LPP: variants seen among roughly 807,000 people sequenced by gnomAD.
LPP encodes the protein lipoma-preferred partner.
A neutral mutation model predicts 60.4 loss-of-function variants in LPP; 38 were observed. The ratio of observed to expected loss-of-function variants is 0.63; its 90% CI spans 0.49 to 0.83. The LOEUF (loss-of-function observed/expected upper bound fraction) is 0.83, where lower values mean the gene tolerates loss of function less well. LPP is among the 40% of genes least tolerant of loss of function. The pLI, the probability that LPP is intolerant of heterozygous loss-of-function variation, is 0.00. For synonymous variants in LPP, 328 were observed against 290.8 expected, an observed-to-expected ratio of 1.13 and a Z score of -1.30; for missense variants, 902 against 783.6, an observed-to-expected ratio of 1.15 and a Z score of -1.80.
At chr3:188,488,529 T>C (rs1187130174) in intron 5 of LPP, among the ~76,000 whole-genome samples, 1 of 152,192 alleles carries the variant, frequency 6.6e-6, no homozygotes, top group Non-Finnish European at 1.5e-5. Flanking sequence ...TGAATGCTTC[T>C]TGTAAGTAGA....
intron 8 of LPP, among the ~76,000 whole-genome samples, chr3:188,729,951 C>T (rs192567430): frequency 6.6e-6 from 1 of 152,208 alleles, no homozygotes; most frequent in Non-Finnish European, 1.5e-5. Flanking sequence ...GACCATGCCA[C>T]TGCACTCCAG....
At chr3:188,528,078 C>T (rs1821140574) in intron 6 of LPP, among the ~76,000 whole-genome samples, 2 of 152,166 alleles carry the variant, frequency 1.3e-5, no homozygotes, top group Admixed American at 1.3e-4. Flanking sequence ...GAGAAAAGTT[C>T]AGACATATTC....
chr3:188,732,033 G>C (rs899167047), intron 8 of LPP, among the ~76,000 whole-genome samples: 2 of 152,162 alleles, frequency 1.3e-5, no homozygotes, highest in African/African-American at 4.8e-5. Context: ...AGGAAAAGCT[G>C]TTCACCCCGA....
chr3:188,763,648 A>G (rs912126038), intron 9 of LPP, among the ~76,000 whole-genome samples: 2 of 152,068 alleles, frequency 1.3e-5, no homozygotes, highest in African/African-American at 2.4e-5. Flanking sequence ...AAATGTTCAT[A>G]TAGTTTTGCA....
At chr3:188,366,397 G>A (rs1180348997) in intron 3 of LPP, among the ~76,000 whole-genome samples, 2 of 152,090 alleles carry the variant, frequency 1.3e-5, no homozygotes, top group African/African-American at 4.8e-5. Flanking sequence ...GGGGATTCTG[G>A]GGCTGGGCTC....
intron 1 of LPP, among the ~76,000 whole-genome samples, chr3:188,213,453 C>T (rs1413125958): frequency 6.6e-6 from 1 of 152,116 alleles, no homozygotes; most frequent in African/African-American, 2.4e-5. Context: ...TCAGTTCGTT[C>T]TCCTTCCCCT....
At chr3:188,599,607 C>G (rs973647714) in intron 6 of LPP, among the ~76,000 whole-genome samples, 3 of 152,148 alleles carry the variant, frequency 2.0e-5, no homozygotes, top group Non-Finnish European at 4.4e-5. Flanking sequence ...ACTGTTTTAA[C>G]TATTTCTGGC....
At chr3:188,200,471 C>A (rs1197501993) in intron 1 of LPP, among the ~76,000 whole-genome samples, 1 of 152,064 alleles carries the variant, frequency 6.6e-6, no homozygotes, top group Non-Finnish European at 1.5e-5. Context: ...GCTGGTTAGC[C>A]ACAATCCAGG....
chr3:188,761,654 G>A (rs1732399178), intron 9 of LPP, among the ~76,000 whole-genome samples: 7 of 152,162 alleles, frequency 4.6e-5, no homozygotes, highest in Admixed American at 4.6e-4. Flanking sequence ...ACGCTCCACA[G>A]TCTTAGATTC....
intron 6 of LPP, among the ~76,000 whole-genome samples, chr3:188,531,940 TGA>T (rs1174404969): frequency 6.6e-6 from 1 of 152,120 alleles, no homozygotes; most frequent in Non-Finnish European, 1.5e-5. Flanking sequence ...CCGCAGCTTG[TGA>T]TTGACATATG....
At chr3:188,393,332 A>T (rs1780146578) in intron 3 of LPP, among the ~76,000 whole-genome samples, 1 of 152,108 alleles carries the variant, frequency 6.6e-6, no homozygotes, top group African/African-American at 2.4e-5. Context: ...TCTTAAGAGC[A>T]CATGCTCCTA....
chr3:188,293,938 T>C (rs1746915960), intron 2 of LPP, among the ~76,000 whole-genome samples: 1 of 151,468 alleles, frequency 6.6e-6, no homozygotes, highest in African/African-American at 2.4e-5. Flanking sequence ...TAGTAGTGTG[T>C]GCCTGTAATC....
At chr3:188,156,522 G>A (rs1423546333) in intron 1 of LPP, among the ~76,000 whole-genome samples, 1 of 152,092 alleles carries the variant, frequency 6.6e-6, no homozygotes, top group Non-Finnish European at 1.5e-5. Context: ...TCCAATGAGA[G>A]AGGTAATAAT....
chr3:188,866,105 A>G (rs1329271562), intron 9 of LPP, 95 bp from the exon 10 acceptor site: 2 of 1,005,798 alleles, frequency 2.0e-6, no homozygotes, highest in Non-Finnish European at 2.7e-6. Flanking sequence ...GTGGTGTGAT[A>G]AGGACCTGAG....
chr3:188,368,165 T>G (rs1274154682), intron 3 of LPP, among the ~76,000 whole-genome samples: 1 of 152,184 alleles, frequency 6.6e-6, no homozygotes, highest in African/African-American at 2.4e-5. Context: ...CCAAACCAAT[T>G]TTGTGAATTA....
intron 4 of LPP, among the ~76,000 whole-genome samples, chr3:188,413,507 C>T (rs1435076992): frequency 6.6e-6 from 1 of 152,064 alleles, no homozygotes; most frequent in East Asian, 1.9e-4. Context: ...CTCGGGTTTG[C>T]CTGTCATGCC....
intron 4 of LPP, among the ~76,000 whole-genome samples, chr3:188,415,050 G>A (rs1247883139): frequency 6.6e-6 from 1 of 152,116 alleles, no homozygotes; most frequent in African/African-American, 2.4e-5. Context: ...TTAATAAGGT[G>A]ATGGGTGCCT....
At chr3:188,598,368 A>G (rs542163089) in intron 6 of LPP, among the ~76,000 whole-genome samples, 17 of 152,260 alleles carry the variant, frequency 1.1e-4, no homozygotes, top group African/African-American at 4.1e-4. Context: ...AAAAATACAC[A>G]TATACGTGTG....
At chr3:188,538,755 C>A (rs887583493) in intron 6 of LPP, among the ~76,000 whole-genome samples, 1 of 152,174 alleles carries the variant, frequency 6.6e-6, no homozygotes, top group African/African-American at 2.4e-5. Flanking sequence ...TGATTCATAA[C>A]AGCCTAAAAG....
Sources: gnomAD v4.1 joint callset for allele counts (sites outside exome capture counted in the v4.1 genomes callset) on GRCh38, gnomAD v4.1.1 for gene constraint, MANE v1.5 for transcripts, NCBI Gene and HGNC (gene_info 2026-07-23, HGNC 2026-07-21) for gene names.